SUDS3: variants seen among roughly 807,000 people sequenced by gnomAD.
The protein encoded by SUDS3 is sin3 histone deacetylase corepressor complex component SDS3.
A neutral mutation model predicts 53.5 loss-of-function variants in SUDS3; 23 were observed. The ratio of observed to expected loss-of-function variants is 0.43; its 90% CI spans 0.31 to 0.61. SUDS3 has a LOEUF of 0.61. SUDS3 is among the 20% of genes least tolerant of loss of function. The probability of loss-of-function intolerance (pLI) is 0.10; values close to 1 mark genes in which losing one functional copy is unlikely to be tolerated. For missense variants in SUDS3, 291 were observed against 405.9 expected, an observed-to-expected ratio of 0.72 and a Z score of 2.43; for synonymous variants, 150 against 148.5, an observed-to-expected ratio of 1.01 and a Z score of -0.08.
chr12:118,376,934 G>A (rs1198540355), intron 1 of SUDS3, 101 bp downstream of exon 1: 51 of 1,335,026 alleles, frequency 3.8e-5, no homozygotes, highest in Middle Eastern at 2.8e-4. Context: ...TCCGGGGCCT[G>A]GGGCTGCGTG....
Position 118,411,997 on chromosome 12 carries a change from G to A in SUDS3, c.888+840G>A, listed in dbSNP as rs144031173. 6.2e-3 allele frequency among the ~76,000 whole-genome samples: 949 copies of A among 152,290 alleles called. 5 individuals carry two copies. The highest frequency in any genetic ancestry group is 0.021 in the African/African-American group (876 of 41,544). ...CACTAAGTGAGTGCTGGCCTGAAACGACCCACACGCCACTTGCCTGCCGTC... is the reference window on the plus strand; with the variant it reads ...CACTAAGTGAGTGCTGGCCTGAAACAACCCACACGCCACTTGCCTGCCGTC... On this transcript the variant is annotated intron_variant, in intron 11 of 11. Transcript: ENST00000543473.
chr12:118,403,756 G>C (rs758712093), intron 10 of SUDS3, among the ~76,000 whole-genome samples: 1 of 152,174 alleles, frequency 6.6e-6, no homozygotes, highest in African/African-American at 2.4e-5. Flanking sequence ...TGGTGTCTCT[G>C]TACTAGAATT....
chr12:118,402,101 A>G, intron 9 of SUDS3, 97 bp downstream of exon 9: 2 of 1,416,822 alleles, frequency 1.4e-6, no homozygotes, highest in South Asian at 2.3e-5. Context: ...ATTTTCAAAA[A>G]TGAAATGTTC....
intron 6 of SUDS3, among the ~76,000 whole-genome samples, chr12:118,396,589 C>A (rs1402665597): frequency 6.6e-6 from 1 of 152,206 alleles, no homozygotes; most frequent in Non-Finnish European, 1.5e-5. Flanking sequence ...CCCTTTGAAT[C>A]ACTGCAATTA....
intron 10 of SUDS3, among the ~76,000 whole-genome samples, chr12:118,404,668 A>G (rs2046294535): frequency 6.6e-6 from 1 of 152,160 alleles, no homozygotes; most frequent in African/African-American, 2.4e-5. Context: ...ATTCTAAGGC[A>G]TAGTGGACAT....
At chr12:118,402,801 G>A (rs536380321) in intron 9 of SUDS3, among the ~76,000 whole-genome samples, 301 of 149,808 alleles carry the variant, frequency 2.0e-3, no homozygotes, top group African/African-American at 7.1e-3. Flanking sequence ...TTGCTCTGTC[G>A]CCAGGCTGGA....
chr12:118,412,296 C>T (rs887516615), intron 11 of SUDS3, among the ~76,000 whole-genome samples: 93 of 152,330 alleles, frequency 6.1e-4, no homozygotes, highest in African/African-American at 2.1e-3. Context: ...CCACAAATGT[C>T]TGCAAAGAAA....
At position 118,377,675 on chromosome 12, in the gene SUDS3, A is replaced by G. The variant is rs77667808; in HGVS notation, c.142+842A>G. ...TAATTTGGCAAGTGTGAGGAACGCT[A>G]TTTTGGAGGGATGGAGGAGGAGGAA... On this transcript the variant is annotated intron_variant, in intron 1 of 11. Coordinates refer to ENST00000543473, the MANE Select transcript of SUDS3 (RefSeq NM_022491.3). Among the ~76,000 whole-genome samples, 1,299 of 152,222 alleles carry G rather than the reference A, an allele frequency of 8.5e-3. 10 individuals carry two copies. Among genetic ancestry groups the G allele is most frequent in the Non-Finnish European group, 0.014 (983 of 68,018 alleles).
At chr12:118,396,117 G>C (rs1274840128) in intron 6 of SUDS3, among the ~76,000 whole-genome samples, 1 of 152,108 alleles carries the variant, frequency 6.6e-6, no homozygotes, top group African/African-American at 2.4e-5. Flanking sequence ...GATTGCTCTG[G>C]GCTGCTAGTC....
rs550585145 is a variant in SUDS3 at position 118,390,779 on chromosome 12, CT to C, written c.361-342del. ...CTTGCTGTATCAAAAATAATAGTAACTTTTTGAATATACACAATTTATCTAG... is the reference window on the plus strand; with the variant it reads ...CTTGCTGTATCAAAAATAATAGTAACTTTTGAATATACACAATTTATCTAG... On this transcript the variant is annotated intron_variant, in intron 5 of 11. Coordinates refer to ENST00000543473, the MANE Select transcript of SUDS3 (RefSeq NM_022491.3). 7.9e-5 allele frequency among the ~76,000 whole-genome samples: 12 copies of C among 152,264 alleles called. No individual in the cohort carries two copies. The East Asian group carries it at 2.3e-3, about 29-fold the overall frequency.
intron 2 of SUDS3, among the ~76,000 whole-genome samples, chr12:118,383,778 GAGAATCTACAAAATT>G (rs2046088987): frequency 6.6e-6 from 1 of 152,204 alleles, no homozygotes; most frequent in Non-Finnish European, 1.5e-5. Flanking sequence ...GATAACATGG[GAGAATCTACAAAATT>G]AGAATAAGAT....
At chr12:118,381,489 TCTC>T (rs1443396491) in intron 2 of SUDS3, among the ~76,000 whole-genome samples, 2 of 152,096 alleles carry the variant, frequency 1.3e-5, no homozygotes, top group African/African-American at 2.4e-5. Context: ...CTCAAGCAAT[TCTC>T]CTGCCTCAGC....
chr12:118,393,854 A>G lies in SUDS3; in HGVS notation c.517+2572A>G, dbSNP rs535781669. 1.1e-4 allele frequency among the ~76,000 whole-genome samples: 17 copies of G among 151,780 alleles called. No homozygotes were observed. In the East Asian group the frequency reaches 3.1e-3, roughly 28 times the overall value. The stretch of plus-strand genomic sequence containing the variant: ...CCCGGCTAATTTTTGTATTTTTAGT[A>G]GAGACAGGGTTTCATCATGTTTGCC... On this transcript the variant is annotated intron_variant, in intron 6 of 11. Transcript: ENST00000543473.
intron 6 of SUDS3, among the ~76,000 whole-genome samples, chr12:118,395,838 C>T (rs933334661): frequency 2.6e-5 from 4 of 151,998 alleles, no homozygotes; most frequent in East Asian, 1.9e-4. Context: ...ACTACAGGTG[C>T]GTGCCACCAT....
At chr12:118,391,326 G>A in intron 6 of SUDS3, 44 bp downstream of exon 6, 1 of 1,565,130 alleles carries the variant, frequency 6.4e-7, no homozygotes, top group Non-Finnish European at 8.6e-7. Flanking sequence ...CCCTGAGCGG[G>A]GGGGTGTGAA....
intron 6 of SUDS3, 119 bp from the exon 7 acceptor site, chr12:118,400,538 AAC>A: frequency 2.3e-6 from 2 of 882,900 alleles, no homozygotes; most frequent in Non-Finnish European, 3.7e-6. Context: ...GTGTAGAACA[AAC>A]ACCCCCAGTA....
rs1807981566 is a variant in SUDS3, at chr12:118,384,131, CTG to C, written c.268+68_268+69del. 30 of 1,475,192 alleles carry C rather than the reference CTG, an allele frequency of 2.0e-5. 1 individual carries two copies. In the South Asian group the frequency reaches 3.5e-4, roughly 17 times the overall value. The allele number at this position is 1,475,192 out of a possible 1,614,324, so 91.4% of individuals were successfully genotyped here. On this transcript the variant is annotated intron_variant, in intron 3 of 11. Transcript: ENST00000543473. ...TCTTAATATTACAAACCCTTGAAAT[CTG>C]TGTATTTCACTTCTCTGTGGGAGTT...
chr12:118,380,613 A>G (rs1023888786), intron 2 of SUDS3, among the ~76,000 whole-genome samples: 1 of 152,220 alleles, frequency 6.6e-6, no homozygotes, highest in African/African-American at 2.4e-5. Flanking sequence ...TTCCCGTTAT[A>G]AGACTTTGTT....
rs2046384089 is a variant in SUDS3 at position 118,414,509 on chromosome 12, T to C, written c.*76T>C. 3.3e-6 allele frequency: 4 copies of C among 1,205,266 alleles called. No individual in the cohort carries two copies. Among genetic ancestry groups the C allele is most frequent in the Non-Finnish European group, 3.4e-6 (3 of 878,602 alleles). The allele number at this position is 1,205,266 out of a possible 1,614,324, so 74.7% of individuals were successfully genotyped here. ...TTGTTTTGTTTCGTTTTCTCCTTAA[T>C]AGAAAAATGTTAACTTACTGGGAAT... On this transcript the variant is annotated 3_prime_UTR_variant, in exon 12 of 12. Transcript: ENST00000543473.
Sources: gnomAD v4.1 joint callset for allele counts (sites outside exome capture counted in the v4.1 genomes callset) on GRCh38, gnomAD v4.1.1 for gene constraint, MANE v1.5 for transcripts, NCBI Gene and HGNC (gene_info 2026-07-23, HGNC 2026-07-21) for gene names.